The following MAML2 variants were observed in gnomAD, a reference collection of about 807,000 sequenced individuals.
MAML2 encodes the protein mastermind like transcriptional coactivator 2, also known as mastermind-like protein 2.
In MAML2, 22 loss-of-function variants were observed where a neutral mutation model predicts 96.1. The ratio of observed to expected loss-of-function variants is 0.23; its 90% confidence interval spans 0.16 to 0.33. The LOEUF (loss-of-function observed/expected upper bound fraction) is 0.33, where lower values mean the gene tolerates loss of function less well. MAML2 is among the 10% of genes least tolerant of loss of function. The pLI is 1.00. For missense variants in MAML2, 1,367 were observed against 1,392.4 expected (o/e 0.98, Z 0.29); for synonymous variants, 561 against 521.3 (o/e 1.08, Z -1.04).
At chr11:96,043,245 T>C (rs1306133480) in intron 2 of MAML2, among the ~76,000 whole-genome samples, 1 of 152,176 alleles carries the variant, frequency 6.6e-6, no homozygotes, top group Non-Finnish European at 1.5e-5. Flanking sequence ...AGCTAATGGA[T>C]TTGGGTTCTA....
intron 1 of MAML2, among the ~76,000 whole-genome samples, chr11:96,266,065 A>G (rs1176893068): frequency 1.3e-5 from 2 of 152,094 alleles, no homozygotes; most frequent in African/African-American, 4.8e-5. Flanking sequence ...GGGGCTTCAA[A>G]AGCTGTAAAC....
chr11:96,122,384 A>T (rs1223447609), intron 1 of MAML2, among the ~76,000 whole-genome samples: 1 of 152,042 alleles, frequency 6.6e-6, no homozygotes, highest in Non-Finnish European at 1.5e-5. Flanking sequence ...AGCCTACTTA[A>T]GTGCCCTACT....
At position 96,225,764 on chromosome 11, in the gene MAML2, C is replaced by T. The variant is rs1036373015; in HGVS notation, c.513+115619G>A. ...AGGAGACTCACTTGAATCTGGGAGG[C>T]GAAGGTTGCAGTGAGCCAAAAATGG... is the stretch of plus-strand genomic sequence containing the variant. On this transcript the variant is annotated intron_variant, in intron 1 of 4. Transcript: ENST00000524717. Among the ~76,000 whole-genome samples the T allele has an allele frequency of 2.4e-4, 37 of 151,498 alleles. 1 individual carries two copies. Among genetic ancestry groups the T allele is most frequent in the African/African-American group, 7.0e-4 (29 of 41,208 alleles).
At chr11:95,999,253 T>C (rs1173892936) in intron 2 of MAML2, among the ~76,000 whole-genome samples, 6 of 152,166 alleles carry the variant, frequency 3.9e-5, no homozygotes, top group African/African-American at 1.4e-4. Flanking sequence ...GGCTACTAGG[T>C]GTTACTTTGA....
At chr11:96,076,476 C>A (rs1489297400) in intron 2 of MAML2, among the ~76,000 whole-genome samples, 1 of 140,062 alleles carries the variant, frequency 7.1e-6, no homozygotes, top group East Asian at 2.0e-4. Flanking sequence ...ACACACACAG[C>A]CCTTCAGAGC....
Position 96,018,668 on chromosome 11 carries a change from C to A in MAML2, c.2140-26945G>T, listed in dbSNP as rs572296585. Among the ~76,000 whole-genome samples the A allele has an allele frequency of 5.3e-5, 8 of 152,346 alleles. No homozygotes were observed. The East Asian group carries it at 1.5e-3, about 29-fold the overall frequency. On this transcript the variant is annotated intron_variant, in intron 2 of 4. Transcript: ENST00000524717. ...CTGGAGTGCAGTGGCACCATCTTGG[C>A]TCACTGCAACCTCTGCCTCCCAGGT...
intron 2 of MAML2, among the ~76,000 whole-genome samples, chr11:96,042,888 G>A (rs1007396496): frequency 1.3e-5 from 2 of 151,882 alleles, no homozygotes; most frequent in Non-Finnish European, 2.9e-5. Context: ...AGGACTACAG[G>A]CATGTACCAC....
At chr11:96,203,828 C>T (rs1175879613) in intron 1 of MAML2, among the ~76,000 whole-genome samples, 2 of 152,204 alleles carry the variant, frequency 1.3e-5, no homozygotes. Context: ...TCAAAAAATT[C>T]AGTGCGGTTA....
chr11:96,322,654 T>C (rs1295978084), intron 1 of MAML2, among the ~76,000 whole-genome samples: 1 of 152,114 alleles, frequency 6.6e-6, no homozygotes, highest in Non-Finnish European at 1.5e-5. Flanking sequence ...ATCGCGCCAC[T>C]GCACTCCACC....
intron 1 of MAML2, among the ~76,000 whole-genome samples, chr11:96,338,601 G>A (rs1033428901): frequency 1.3e-5 from 2 of 152,108 alleles, no homozygotes; most frequent in Non-Finnish European, 2.9e-5. Context: ...CTGTCTTCAA[G>A]GCATTGTACT....
intron 2 of MAML2, among the ~76,000 whole-genome samples, chr11:96,067,103 G>T (rs564057510): frequency 1.3e-5 from 2 of 152,164 alleles, no homozygotes; most frequent in East Asian, 3.8e-4. Flanking sequence ...TCTGAGTGGG[G>T]AGGAGACATC....
Position 96,092,198 on chromosome 11 carries a change from C to G in MAML2, c.1833G>C (p.Gln611His). 1 of 1,525,586 alleles carries G rather than the reference C, an allele frequency of 6.6e-7. No individual in the cohort carries two copies. Among genetic ancestry groups the G allele is most frequent in the South Asian group, 1.2e-5 (1 of 82,006 alleles). 94.5% of individuals were successfully genotyped at this position (1,525,586 alleles called of 1,614,324 possible). Residue 611 changes from glutamine (Q) to histidine (H), a missense_variant, in exon 2 of 5, where the codon CAG (glutamine) becomes CAC (histidine). Coordinates refer to ENST00000524717, the MANE Select transcript of MAML2 (RefSeq NM_032427.4). This position sits in a 1 kb window ranked among gnomAD's most constrained non-coding sequence, Gnocchi z 4.1. ...GTTGCTGTTGCTGTTGCTGTTGCTGCTGCTGCTGCTGTTGCTGCTGCTGCT... is the reference window on the plus strand; with the variant it reads ...GTTGCTGTTGCTGTTGCTGTTGCTGGTGCTGCTGCTGTTGCTGCTGCTGCT... ...QQQQQQQQQQQQQQQQQQQQQ... is the reference protein window; with the variant it reads ...QQQQQQQQQQHQQQQQQQQQQ...
chr11:96,069,560 T>G (rs1859307125), intron 2 of MAML2, among the ~76,000 whole-genome samples: 1 of 152,004 alleles, frequency 6.6e-6, no homozygotes, highest in South Asian at 2.1e-4. Context: ...CTGTAGTCTC[T>G]CAGCCACTGG....
At chr11:96,211,446 T>TA (rs5793789) in intron 1 of MAML2, among the ~76,000 whole-genome samples, 54,460 of 141,512 alleles carry the variant, frequency 0.38, 10,642 homozygotes, top group Middle Eastern at 0.53. Context: ...TCTTTGAAAT[T>TA]AAAAAAAAAA....
intron 1 of MAML2, among the ~76,000 whole-genome samples, chr11:96,293,200 C>A (rs551821507): frequency 6.6e-6 from 1 of 152,274 alleles, no homozygotes; most frequent in Admixed American, 6.5e-5. Context: ...CAACTATCTA[C>A]ATTGTTACTA....
chr11:96,012,784 A>G (rs1463469818), intron 2 of MAML2, among the ~76,000 whole-genome samples: 1 of 152,168 alleles, frequency 6.6e-6, no homozygotes, highest in African/African-American at 2.4e-5. Context: ...TACTGTTTCT[A>G]CATAAAAATA....
At chr11:96,299,681 G>A (rs566161803) in intron 1 of MAML2, among the ~76,000 whole-genome samples, 6 of 152,256 alleles carry the variant, frequency 3.9e-5, no homozygotes, top group East Asian at 1.9e-4. Context: ...ACTTTGAGAC[G>A]TGCTCCTCCT....
At chr11:96,182,734 C>T (rs1861505583) in intron 1 of MAML2, among the ~76,000 whole-genome samples, 1 of 152,084 alleles carries the variant, frequency 6.6e-6, no homozygotes, top group Admixed American at 6.6e-5. Context: ...GAGGGCATAC[C>T]TGAGATTCAA....
At position 96,093,459 on chromosome 11, in the gene MAML2, C is replaced by G; in HGVS notation, c.572G>C (p.Arg191Pro). Residue 191 changes from arginine to proline, a missense_variant, in exon 2 of 5, where the codon CGA (arginine) becomes CCA (proline). Arg to Pro is a moderately radical substitution (Grantham distance 103, BLOSUM62 -2). Coordinates refer to ENST00000524717, the MANE Select transcript of MAML2 (RefSeq NM_032427.4). ...TGAGTTGTCCACAAAGCCATTGGGT[C>G]GCTTGCTGTTGGCAGGAGATAGGTT... is the stretch of plus-strand genomic sequence containing the variant. ...VVNLSPANSK[R>P]PNGFVDNSFL... 1 of 1,613,896 alleles carries G rather than the reference C, an allele frequency of 6.2e-7. No individual in the cohort carries two copies. The highest frequency in any genetic ancestry group is 8.5e-7 in the Non-Finnish European group (1 of 1,179,874).
Sources: gnomAD v4.1 joint callset for allele counts (sites outside exome capture counted in the v4.1 genomes callset) on GRCh38, gnomAD v4.1.1 for gene constraint, Gnocchi (gnomAD v3.1) non-coding constraint, MANE v1.5 for transcripts, NCBI Gene and HGNC (gene_info 2026-07-23, HGNC 2026-07-21) for gene names.